Variants in PPP2R2A observed in about 807,000 individuals in gnomAD.
PPP2R2A encodes protein phosphatase 2 regulatory subunit Balpha.
Under a neutral mutation model 53.2 loss-of-function variants are expected in PPP2R2A, and 9 were observed. The observed-to-expected ratio is 0.17, with a 90% CI of 0.10 to 0.30. The LOEUF is 0.30. Ranked by LOEUF, PPP2R2A falls within the 10% of genes least tolerant of loss-of-function variation. The pLI, the probability that PPP2R2A is intolerant of heterozygous loss-of-function variation, is 1.00. For missense variants in PPP2R2A, 235 were observed against 534.6 expected, an observed-to-expected ratio of 0.44 and a Z score of 5.53; for synonymous variants, 169 against 174.2, an observed-to-expected ratio of 0.97 and a Z score of 0.23.
At chr8:26,292,026 G>C (rs374491008) in intron 1 of PPP2R2A, 200 bp downstream of exon 1, 4 of 1,225,400 alleles carry the variant, frequency 3.3e-6, no homozygotes, top group Admixed American at 4.4e-5. Flanking sequence ...CACTGGGCTT[G>C]GAGAACGGGG....
intron 2 of PPP2R2A, among the ~76,000 whole-genome samples, chr8:26,308,871 T>TATAC (rs1006800058): frequency 1.3e-5 from 2 of 152,166 alleles, no homozygotes; most frequent in African/African-American, 4.8e-5. Flanking sequence ...TATATATATA[T>TATAC]ATACTTTTTT....
intron 2 of PPP2R2A, among the ~76,000 whole-genome samples, chr8:26,336,320 T>C (rs1051438572): frequency 3.3e-5 from 5 of 152,032 alleles, no homozygotes; most frequent in Non-Finnish European, 7.4e-5. Context: ...TCCCAGCTAC[T>C]TGGGGAGCTG....
chr8:26,362,637 T>G lies in PPP2R2A; in HGVS notation c.638-47T>G. The G allele has an allele frequency of 6.4e-7, 1 of 1,567,554 alleles. No individual in the cohort carries two copies. The highest frequency in any genetic ancestry group is 8.7e-7 in the Non-Finnish European group (1 of 1,143,290). On this transcript the variant is annotated intron_variant, in intron 6 of 9. Transcript: ENST00000380737. The surrounding 1 kb of genome is among the most constrained non-coding windows in gnomAD (Gnocchi z 4.4). ...TAGGTTTGAGAAATGTAGAATTATATTTGCCCTTTTTTCTAAGTGGAAATT... is the reference window on the plus strand; with the variant it reads ...TAGGTTTGAGAAATGTAGAATTATAGTTGCCCTTTTTTCTAAGTGGAAATT...
chr8:26,310,790 T>C (rs1563288581), intron 2 of PPP2R2A, among the ~76,000 whole-genome samples: 1 of 152,158 alleles, frequency 6.6e-6, no homozygotes, highest in Non-Finnish European at 1.5e-5. Flanking sequence ...TGACAATACC[T>C]GGCACAATAT....
At chr8:26,361,585 G>T (rs1008540588) in intron 6 of PPP2R2A, among the ~76,000 whole-genome samples, 3 of 151,596 alleles carry the variant, frequency 2.0e-5, no homozygotes, top group Non-Finnish European at 4.4e-5. Context: ...CAGCTTGGAT[G>T]ACAGAGCAAC....
chr8:26,369,103 G>A (rs1399898004), intron 9 of PPP2R2A, among the ~76,000 whole-genome samples: 7 of 147,952 alleles, frequency 4.7e-5, no homozygotes, highest in Admixed American at 6.7e-5. Context: ...GCGAGACTCC[G>A]TCTCAAAAAA....
rs1221510298 is a variant in PPP2R2A at position 26,338,294 on chromosome 8, G to C, written c.83-596G>C. 6.6e-6 allele frequency among the ~76,000 whole-genome samples: 1 copy of C among 152,216 alleles called. No homozygotes were observed. Among genetic ancestry groups the C allele is most frequent in the Non-Finnish European group, 1.5e-5 (1 of 68,034 alleles). ...CTGGTAGAATCCATGTGACGTGACTGATTCTAGTGGTCCTGCAGTGTAGGG... is the reference window on the plus strand; with the variant it reads ...CTGGTAGAATCCATGTGACGTGACTCATTCTAGTGGTCCTGCAGTGTAGGG... On this transcript the variant is annotated intron_variant, in intron 2 of 9. Coordinates refer to ENST00000380737, the MANE Select transcript of PPP2R2A (RefSeq NM_002717.4). The surrounding 1 kb of genome is among the most constrained non-coding windows in gnomAD (Gnocchi z 4.5).
intron 9 of PPP2R2A, among the ~76,000 whole-genome samples, chr8:26,368,620 G>C (rs926367534): frequency 7.2e-5 from 11 of 152,206 alleles, no homozygotes; most frequent in Admixed American, 7.2e-4. Flanking sequence ...GGGCAACATA[G>C]CAAGACCCTG....
chr8:26,315,011 C>G (rs974909914), intron 2 of PPP2R2A, among the ~76,000 whole-genome samples: 1 of 149,658 alleles, frequency 6.7e-6, no homozygotes, highest in Non-Finnish European at 1.5e-5. Context: ...CTCTTTTGCT[C>G]TTTGGAAATA....
At chr8:26,302,787 C>T (rs1384789407) in intron 2 of PPP2R2A, among the ~76,000 whole-genome samples, 1 of 152,134 alleles carries the variant, frequency 6.6e-6, no homozygotes, top group Non-Finnish European at 1.5e-5. Context: ...AAGAGATTTG[C>T]AGCAGTGTAA....
intron 2 of PPP2R2A, among the ~76,000 whole-genome samples, chr8:26,297,147 T>C (rs1801579872): frequency 6.6e-6 from 1 of 152,196 alleles, no homozygotes; most frequent in Admixed American, 6.5e-5. Flanking sequence ...AGAGTCTCAC[T>C]CTGTTAGGCT....
At chr8:26,345,408 T>C (rs1804160936) in intron 3 of PPP2R2A, among the ~76,000 whole-genome samples, 1 of 152,194 alleles carries the variant, frequency 6.6e-6, no homozygotes, top group South Asian at 2.1e-4. Flanking sequence ...TAAATATGGA[T>C]AAGTGGCAAA....
intron 2 of PPP2R2A, among the ~76,000 whole-genome samples, chr8:26,322,334 A>C (rs1802879318): frequency 6.6e-6 from 1 of 152,212 alleles, no homozygotes; most frequent in Non-Finnish European, 1.5e-5. Flanking sequence ...TCTCAGTTGC[A>C]TTGTGCACGT....
chr8:26,332,003 G>T (rs1410467494), intron 2 of PPP2R2A, among the ~76,000 whole-genome samples: 4 of 152,124 alleles, frequency 2.6e-5, no homozygotes, highest in Admixed American at 1.3e-4. Context: ...TTAAGGAATG[G>T]ATCCTACATC....
intron 3 of PPP2R2A, among the ~76,000 whole-genome samples, chr8:26,346,339 C>T (rs1248235113): frequency 1.3e-5 from 2 of 152,022 alleles, no homozygotes; most frequent in Non-Finnish European, 2.9e-5. Context: ...CAGGGTTTTG[C>T]CATGCTGACC....
In PPP2R2A at chr8:26,291,719, C is replaced by T; in HGVS notation, c.-101C>T. ...CCCTCCCCCCGCAGGTGCCATCCGCCGCCATCCGCCCTCTCTACCCCCCCA... is the reference window on the plus strand; with the variant it reads ...CCCTCCCCCCGCAGGTGCCATCCGCTGCCATCCGCCCTCTCTACCCCCCCA... On this transcript the variant is annotated 5_prime_UTR_variant, in exon 1 of 10. Coordinates refer to ENST00000380737, the MANE Select transcript of PPP2R2A (RefSeq NM_002717.4). The T allele has an allele frequency of 8.2e-7, 1 of 1,226,890 alleles. No individual in the cohort carries two copies. The highest frequency in any genetic ancestry group is 1.4e-5 in the South Asian group (1 of 71,534). The allele number at this position is 1,226,890 out of a possible 1,614,324, so 76.0% of individuals were successfully genotyped here. A position where few individuals can be genotyped will look rare whatever the true frequency, so the allele number is the denominator to read the frequency against.
intron 2 of PPP2R2A, among the ~76,000 whole-genome samples, chr8:26,309,694 A>C (rs1802187173): frequency 6.6e-6 from 1 of 152,110 alleles, no homozygotes; most frequent in South Asian, 2.1e-4. Flanking sequence ...TTGAACACTT[A>C]AGAGGCCCAT....
intron 2 of PPP2R2A, among the ~76,000 whole-genome samples, chr8:26,298,969 A>G (rs1801662120): frequency 6.6e-6 from 1 of 152,240 alleles, no homozygotes; most frequent in Admixed American, 6.5e-5. Context: ...GAAGTGTGTA[A>G]TAATTGGTCA....
chr8:26,368,195 AG>A (rs1182455533), intron 9 of PPP2R2A, among the ~76,000 whole-genome samples: 27 of 152,218 alleles, frequency 1.8e-4, no homozygotes, highest in Admixed American at 1.6e-3. Context: ...TGTCATCTTC[AG>A]GGGCACGCAT....
Sources: gnomAD v4.1 joint callset for allele counts (sites outside exome capture counted in the v4.1 genomes callset) on GRCh38, gnomAD v4.1.1 for gene constraint, Gnocchi (gnomAD v3.1) non-coding constraint, MANE v1.5 for transcripts, NCBI Gene and HGNC (gene_info 2026-07-23, HGNC 2026-07-21) for gene names.